The following ATP2B2 variants were observed in gnomAD, a reference collection of about 807,000 sequenced individuals.
ATP2B2 encodes ATPase plasma membrane Ca2+ transporting 2, also known as plasma membrane calcium-transporting ATPase 2.
Under a neutral mutation model 120.0 loss-of-function variants are expected in ATP2B2, and 15 were observed. The ratio of observed to expected loss-of-function variants is 0.12; its 90% CI spans 0.08 to 0.19. The LOEUF is 0.19. Ranked by LOEUF, ATP2B2 falls within the 10% of genes least tolerant of loss-of-function variation. The pLI, the probability that ATP2B2 is intolerant of heterozygous loss-of-function variation, is 1.00. For missense variants in ATP2B2, 1,045 were observed against 1,719.8 expected (o/e 0.61, Z 6.94); for synonymous variants, 694 against 700.3 (o/e 0.99, Z 0.14).
intron 3 of ATP2B2, among the ~76,000 whole-genome samples, chr3:10,405,672 C>A (rs1449419954): frequency 6.6e-6 from 1 of 152,130 alleles, no homozygotes; most frequent in Non-Finnish European, 1.5e-5. Context: ...GGACCTGCGG[C>A]TATAGAGGGT....
chr3:10,372,208 C>T (rs2061264256), intron 11 of ATP2B2, among the ~76,000 whole-genome samples, 157 bp from the exon 12 acceptor site: 1 of 152,186 alleles, frequency 6.6e-6, no homozygotes. Context: ...GTTGCTGCTG[C>T]CTCCTATACC....
intron 1 of ATP2B2, among the ~76,000 whole-genome samples, chr3:10,685,610 A>G (rs2071500885): frequency 6.6e-6 from 1 of 152,214 alleles, no homozygotes; most frequent in Non-Finnish European, 1.5e-5. Flanking sequence ...TATCCAGCCC[A>G]CTGTCCACTG....
At chr3:10,476,039 T>C (rs776797875) in intron 1 of ATP2B2, among the ~76,000 whole-genome samples, 43 of 152,350 alleles carry the variant, frequency 2.8e-4, no homozygotes, top group Non-Finnish European at 4.4e-4. Context: ...TGAGAATTCC[T>C]GGTTTATAGG....
In ATP2B2 at chr3:10,340,888, C is replaced by A. The variant is rs996368095; in HGVS notation, c.2918-184G>T. On this transcript the variant is annotated intron_variant, in intron 19 of 22. Transcript: ENST00000360273. The surrounding 1 kb of genome is among the most constrained non-coding windows in gnomAD (Gnocchi z 5.0). The stretch of plus-strand genomic sequence containing the variant: ...TGGTCAGAGACTAGGACTGAAGGGT[C>A]AGCAAAGCCCTTTCTCCTCTGGGGA... Among the ~76,000 whole-genome samples, 6 of 152,092 alleles carry A rather than the reference C, an allele frequency of 3.9e-5. No individual in the cohort carries two copies. The highest frequency in any genetic ancestry group is 1.4e-4 in the African/African-American group (6 of 41,404).
intron 2 of ATP2B2, among the ~76,000 whole-genome samples, chr3:10,615,477 G>C (rs1043325586): frequency 6.6e-6 from 1 of 152,158 alleles, no homozygotes; most frequent in Non-Finnish European, 1.5e-5. Flanking sequence ...ATATTTGAGG[G>C]TATCTTTGCC....
chr3:10,583,867 G>A (rs1186507283), intron 2 of ATP2B2, among the ~76,000 whole-genome samples: 4 of 152,170 alleles, frequency 2.6e-5, no homozygotes, highest in African/African-American at 9.7e-5. Context: ...AGTTACATGG[G>A]ACACTGATCT....
intron 1 of ATP2B2, chr3:10,626,257 T>C (rs928143508): frequency 6.6e-6 from 1 of 152,210 alleles, no homozygotes; most frequent in Admixed American, 6.5e-5. Flanking sequence ...TGAGACAGGG[T>C]AAAGGGCTCA....
chr3:10,652,483 G>A (rs1427707499), intron 1 of ATP2B2, among the ~76,000 whole-genome samples: 4 of 152,162 alleles, frequency 2.6e-5, no homozygotes, highest in Non-Finnish European at 5.9e-5. Flanking sequence ...ATGTTACAGG[G>A]CGCCCTGAAT....
chr3:10,389,307 A>G (rs998944705), intron 5 of ATP2B2, among the ~76,000 whole-genome samples: 2 of 152,218 alleles, frequency 1.3e-5, no homozygotes, highest in Non-Finnish European at 2.9e-5. Flanking sequence ...CCTCTCCACC[A>G]TGCAGGCTCA....
intron 2 of ATP2B2, among the ~76,000 whole-genome samples, chr3:10,593,220 A>C (rs537069218): frequency 6.6e-6 from 1 of 152,244 alleles, no homozygotes; most frequent in East Asian, 1.9e-4. Flanking sequence ...ATCAAAATCC[A>C]TAAGTCTCCA....
chr3:10,427,922 G>T (rs939114831), intron 2 of ATP2B2, among the ~76,000 whole-genome samples: 3 of 152,172 alleles, frequency 2.0e-5, no homozygotes, highest in Non-Finnish European at 1.5e-5. Context: ...CAGCTTGAGC[G>T]TTCTGCCTCA....
At chr3:10,659,693 G>T (rs1437693012) in intron 1 of ATP2B2, among the ~76,000 whole-genome samples, 2 of 152,184 alleles carry the variant, frequency 1.3e-5, no homozygotes, top group African/African-American at 2.4e-5. Flanking sequence ...CAACAAAACA[G>T]AAAGTTAACA....
chr3:10,526,173 C>T (rs2067087643), intron 3 of ATP2B2, among the ~76,000 whole-genome samples: 1 of 152,234 alleles, frequency 6.6e-6, no homozygotes, highest in Non-Finnish European at 1.5e-5. Context: ...ACCCCATCCT[C>T]TCCTTCTCCT....
In ATP2B2 at chr3:10,642,798, C is replaced by A. The variant is rs958906998; in HGVS notation, c.-459-22837G>T. 2.0e-5 allele frequency among the ~76,000 whole-genome samples: 3 copies of A among 152,186 alleles called. 1 individual carries two copies. The highest frequency in any genetic ancestry group is 2.0e-4 in the Admixed American group (3 of 15,278). On this transcript the variant is annotated intron_variant, in intron 1 of 21. Coordinates refer to the ATP2B2 transcript ENST00000646379. Reference sequence around the variant, plus strand: ...GTGTGACCACAGAGGATTCCTAAGCCCCACAATAGGGTAGGGAAGTAGCTC... The same window carrying A: ...GTGTGACCACAGAGGATTCCTAAGCACCACAATAGGGTAGGGAAGTAGCTC...
rs969714604 is a variant in ATP2B2, at chr3:10,346,281, C to T, written c.2405-144G>A. ...CCGCCCCCTCCATCCAGGCTCTTCCCAGCTCCAGGCTGGCCTATAGCTGCC... is the reference window on the plus strand; with the variant it reads ...CCGCCCCCTCCATCCAGGCTCTTCCTAGCTCCAGGCTGGCCTATAGCTGCC... On this transcript the variant is annotated intron_variant, in intron 16 of 22. Transcript: ENST00000360273. This position sits in a 1 kb window ranked among gnomAD's most constrained non-coding sequence, Gnocchi z 4.1. 1.2e-5 allele frequency: 10 copies of T among 811,690 alleles called. No individual in the cohort carries two copies. Among genetic ancestry groups the T allele is most frequent in the South Asian group, 3.0e-5 (2 of 66,138 alleles). 50.3% of individuals were successfully genotyped at this position (811,690 alleles called of 1,614,324 possible). A position where few individuals can be genotyped will look rare whatever the true frequency, so the allele number is the denominator to read the frequency against.
chr3:10,397,568 T>C (rs2062079812), intron 5 of ATP2B2, among the ~76,000 whole-genome samples: 1 of 151,064 alleles, frequency 6.6e-6, no homozygotes, highest in African/African-American at 2.4e-5. Flanking sequence ...ATGGAGGAGG[T>C]GGGGCTTGAG....
At chr3:10,428,212 G>A (rs1392058336) in intron 2 of ATP2B2, among the ~76,000 whole-genome samples, 1 of 152,172 alleles carries the variant, frequency 6.6e-6, no homozygotes, top group Non-Finnish European at 1.5e-5. Flanking sequence ...AACCCATCTC[G>A]CTGAGTTATA....
intron 1 of ATP2B2, among the ~76,000 whole-genome samples, chr3:10,475,395 A>C (rs1249615759): frequency 6.6e-6 from 1 of 152,224 alleles, no homozygotes; most frequent in Non-Finnish European, 1.5e-5. Flanking sequence ...AGGCTCCTGC[A>C]GAATGCCTCT....
chr3:10,525,379 G>C (rs4468955), intron 3 of ATP2B2, among the ~76,000 whole-genome samples: 78,638 of 152,042 alleles, frequency 0.52, 21,133 homozygotes, highest in East Asian at 0.66. Flanking sequence ...TGTTTTAGAA[G>C]AGTTTTAGAT....
Sources: allele counts gnomAD v4.1 joint callset (sites outside exome capture counted in the v4.1 genomes callset), GRCh38; gene constraint gnomAD v4.1.1; non-coding constraint Gnocchi (gnomAD v3.1); transcripts MANE v1.5; gene names NCBI Gene and HGNC (gene_info 2026-07-23, HGNC 2026-07-21).